PHF14: variants seen among roughly 807,000 people sequenced by gnomAD.
PHF14 encodes PHD finger protein 14.
In PHF14, 55 loss-of-function variants were observed where a neutral mutation model predicts 117.9. The ratio of observed to expected loss-of-function variants is 0.47; its 90% confidence interval spans 0.38 to 0.58. PHF14 has a LOEUF of 0.58. Among genes scored for constraint, PHF14 ranks in the 20% least tolerant of loss-of-function variants. PHF14 has a pLI of 0.00. For synonymous variants in PHF14, 409 were observed against 368.6 expected, an observed-to-expected ratio of 1.11 and a Z score of -1.26; for missense variants, 978 against 1,122.2, an observed-to-expected ratio of 0.87 and a Z score of 1.84.
chr7:11,075,564 GTTTTTTTT>G (rs3073111), intron 16 of PHF14, among the ~76,000 whole-genome samples: 10 of 110,008 alleles, frequency 9.1e-5, no homozygotes, highest in Admixed American at 9.6e-5. Context: ...AAGGAAAGAG[GTTTTTTTT>G]TTTTTTTTTT....
At chr7:11,082,274 A>T (rs954109031) in intron 16 of PHF14, among the ~76,000 whole-genome samples, 2 of 152,064 alleles carry the variant, frequency 1.3e-5, no homozygotes. Context: ...TGAGCTTGGG[A>T]CATATTGAGG....
chr7:10,985,398 T>C (rs1782181370), intron 3 of PHF14, among the ~76,000 whole-genome samples: 1 of 152,060 alleles, frequency 6.6e-6, no homozygotes, highest in South Asian at 2.1e-4. Context: ...ATAATAGAAA[T>C]ATATAATTAT....
At chr7:11,126,114 TGA>T (rs1787921990) in intron 17 of PHF14, among the ~76,000 whole-genome samples, 1 of 152,178 alleles carries the variant, frequency 6.6e-6, no homozygotes, top group African/African-American at 2.4e-5. Flanking sequence ...AAAATTTAGA[TGA>T]TTAGTTATTT....
intron 8 of PHF14, 93 bp from the exon 9 acceptor site, chr7:11,036,325 T>C: frequency 2.8e-6 from 3 of 1,082,372 alleles, no homozygotes; most frequent in Non-Finnish European, 4.0e-6. Context: ...TGATTATCTT[T>C]CTGTGAACAT....
At chr7:10,999,309 A>C (rs1238595684) in intron 4 of PHF14, among the ~76,000 whole-genome samples, 1 of 152,228 alleles carries the variant, frequency 6.6e-6, no homozygotes, top group Non-Finnish European at 1.5e-5. Flanking sequence ...TTAGTTGCCT[A>C]GTCCCTGGAG....
chr7:10,978,309 TTAAA>T (rs1413637601), intron 2 of PHF14, among the ~76,000 whole-genome samples: 6 of 152,176 alleles, frequency 3.9e-5, no homozygotes, highest in Non-Finnish European at 5.9e-5. Context: ...ATTAGAATAA[TTAAA>T]TAAAATAGTT....
At chr7:11,072,252 A>T (rs1729104201) in intron 16 of PHF14, among the ~76,000 whole-genome samples, 1 of 152,164 alleles carries the variant, frequency 6.6e-6, no homozygotes, top group Non-Finnish European at 1.5e-5. Context: ...GATGTGAGAG[A>T]TGCTGTATAC....
At chr7:11,068,655 C>T (rs1225290383) in intron 16 of PHF14, among the ~76,000 whole-genome samples, 8 of 152,072 alleles carry the variant, frequency 5.3e-5, no homozygotes, top group African/African-American at 1.9e-4. Flanking sequence ...CAGAGCTGTA[C>T]ACTTAAAAAT....
intron 4 of PHF14, among the ~76,000 whole-genome samples, chr7:10,995,805 C>T (rs368265289): frequency 5.8e-4 from 89 of 152,342 alleles, no homozygotes; most frequent in Non-Finnish European, 1.2e-3. Context: ...TGCTAAGCCC[C>T]TCACTGCCCG....
At chr7:11,125,070 G>A (rs1306447034) in intron 17 of PHF14, among the ~76,000 whole-genome samples, 1 of 152,092 alleles carries the variant, frequency 6.6e-6, no homozygotes, top group Admixed American at 6.5e-5. Flanking sequence ...AATAAGATCT[G>A]TGTTAGGGGA....
At chr7:11,058,328 A>G (rs1562444262) in intron 14 of PHF14, among the ~76,000 whole-genome samples, 1 of 152,100 alleles carries the variant, frequency 6.6e-6, no homozygotes, top group African/African-American at 2.4e-5. Context: ...TACTTTCAAG[A>G]TAACTTGTCT....
chr7:11,034,063 C>G (rs1434208376), intron 7 of PHF14, among the ~76,000 whole-genome samples: 1 of 152,038 alleles, frequency 6.6e-6, no homozygotes, highest in Non-Finnish European at 1.5e-5. Context: ...TCTTCAAATT[C>G]TGTGATACAC....
chr7:11,088,961 G>A (rs1786534198), intron 16 of PHF14, among the ~76,000 whole-genome samples: 1 of 152,036 alleles, frequency 6.6e-6, no homozygotes, highest in South Asian at 2.1e-4. Flanking sequence ...AATGAGCATG[G>A]TATTATTTTA....
chr7:11,020,429 G>A (rs905166527), intron 5 of PHF14, among the ~76,000 whole-genome samples: 6 of 151,968 alleles, frequency 3.9e-5, no homozygotes, highest in Non-Finnish European at 7.4e-5. Flanking sequence ...CCTGACTGGA[G>A]TGCAGTGGCA....
chr7:11,081,198 T>C (rs2128336248), intron 16 of PHF14, among the ~76,000 whole-genome samples: 1 of 152,252 alleles, frequency 6.6e-6, no homozygotes, highest in South Asian at 2.1e-4. Context: ...AAAGTTAAAA[T>C]CCCTTTTACC....
chr7:10,995,937 C>T (rs1246048037), intron 4 of PHF14, among the ~76,000 whole-genome samples: 2 of 152,254 alleles, frequency 1.3e-5, no homozygotes, highest in African/African-American at 4.8e-5. Context: ...GCTGAGGGAG[C>T]TGGCTCCACC....
chr7:11,055,552 T>A (rs1784988312), intron 14 of PHF14, among the ~76,000 whole-genome samples: 1 of 152,210 alleles, frequency 6.6e-6, no homozygotes, highest in Non-Finnish European at 1.5e-5. Context: ...TTTTAGCAGC[T>A]TTGACTGAAA....
chr7:11,038,850 G>C lies in PHF14; in HGVS notation c.2071G>C (p.Gly691Arg). ...GIWALLGRITGQKLNIPAILR... is the reference protein window; with the variant it reads ...GIWALLGRITRQKLNIPAILR... ...ATGGGCTTTACTAGGCAGAATCACA[G>C]GGCAGGTTAGTTTCTTTCCAATTGC... The change falls in exon 11 of 18, where the codon GGG becomes CGG. Residue 691 changes from glycine (G) to arginine (R), a missense_variant. Transcript: ENST00000634607. 1.3e-6 allele frequency: 2 copies of C among 1,514,088 alleles called. No individual in the cohort carries two copies. Among genetic ancestry groups the C allele is most frequent in the Non-Finnish European group, 1.8e-6 (2 of 1,109,324 alleles). 93.8% of individuals were successfully genotyped at this position (1,514,088 alleles called of 1,614,324 possible).
At chr7:11,067,242 C>T (rs1039205664) in intron 16 of PHF14, among the ~76,000 whole-genome samples, 6 of 152,118 alleles carry the variant, frequency 3.9e-5, no homozygotes, top group African/African-American at 1.2e-4. Flanking sequence ...AAGAGTAAAT[C>T]GAAACCACAG....
Sources: allele counts gnomAD v4.1 joint callset (sites outside exome capture counted in the v4.1 genomes callset), GRCh38; gene constraint gnomAD v4.1.1; transcripts MANE v1.5; gene names NCBI Gene and HGNC (gene_info 2026-07-23, HGNC 2026-07-21).